The following AXIN1 variants were observed in gnomAD, a reference collection of about 807,000 sequenced individuals.
AXIN1 encodes axin 1.
AXIN1 carries 30 observed loss-of-function variants against 76.4 expected under a neutral mutation model. The observed-to-expected ratio is 0.39, with a 90% confidence interval of 0.29 to 0.53. The LOEUF (loss-of-function observed/expected upper bound fraction) is 0.53. Among genes scored for constraint, AXIN1 ranks in the 20% least tolerant of loss-of-function variants. The probability of loss-of-function intolerance (pLI) is 0.66; values close to 1 mark genes in which losing one functional copy is unlikely to be tolerated. For synonymous variants in AXIN1, 545 were observed against 501.4 expected, an observed-to-expected ratio of 1.09 and a Z score of -1.16; for missense variants, 1,140 against 1,198.8, an observed-to-expected ratio of 0.95 and a Z score of 0.72.
chr16:309,848 G>C (rs568790443), intron 4 of AXIN1, 125 bp downstream of exon 4: 3 of 897,366 alleles, frequency 3.3e-6, no homozygotes, highest in Non-Finnish European at 5.4e-6. Flanking sequence ...GGGATCACAC[G>C]CTTACGCCTA....
Position 314,644 on chromosome 16 carries a change from G to A in AXIN1, c.918C>T (p.Val306=), listed in dbSNP as rs201360264. 31 of 1,613,864 alleles carry A rather than the reference G, an allele frequency of 1.9e-5. No individual in the cohort carries two copies. Among genetic ancestry groups the A allele is most frequent in the Non-Finnish European group, 2.6e-5 (31 of 1,180,042 alleles). Residue 306 remains valine, a synonymous_variant, in exon 3 of 11, where the codon GTC becomes GTT. Transcript: ENST00000262320. ...CTGGGGCCAGGGCATAGCCGGCATT[G>A]ACATAATAGGGGTTGACTGGCTCCC... ...SWREPVNPYY[V]NAGYALAPAT... is the part of the protein sequence containing the mutation.
At position 297,082 on chromosome 16, in the gene AXIN1, G is replaced by T. The variant is rs748220884; in HGVS notation, c.1929C>A (p.Ile643=). The T allele has an allele frequency of 8.1e-6, 13 of 1,612,200 alleles. No homozygotes were observed. In the South Asian group the frequency reaches 9.9e-5, roughly 12 times the overall value. Residue 643 remains isoleucine, a synonymous_variant, in exon 7 of 11, where the codon ATC becomes ATA. Transcript: ENST00000262320. ...MQWIIEGEKE[I]SRHRRTGHGS... is the part of the protein sequence containing the mutation. Reference sequence around the variant, plus strand: ...CGTGGCCGGTCCTGCGGTGCCTGCTGATCTCCTTTTCCCCCTCAATGATCC... The same window carrying T: ...CGTGGCCGGTCCTGCGGTGCCTGCTTATCTCCTTTTCCCCCTCAATGATCC...
At chr16:313,647 C>T (rs185784530) in intron 3 of AXIN1, among the ~76,000 whole-genome samples, 28 of 152,356 alleles carry the variant, frequency 1.8e-4, no homozygotes, top group African/African-American at 6.7e-4. Context: ...GCGTGTGGCG[C>T]ACAGACCAGA....
At chr16:314,940 A>G (rs555127110) in intron 2 of AXIN1, among the ~76,000 whole-genome samples, 1 of 152,336 alleles carries the variant, frequency 6.6e-6, no homozygotes, top group East Asian at 1.9e-4. Context: ...TTTGGTGCAC[A>G]CACAGAGCAT....
intron 2 of AXIN1, among the ~76,000 whole-genome samples, chr16:327,445 C>A (rs562589935): frequency 6.6e-6 from 1 of 152,218 alleles, no homozygotes; most frequent in Non-Finnish European, 1.5e-5. Flanking sequence ...TAGGAGGCCT[C>A]GCTGTGGTTC....
chr16:351,132 C>CAAA (rs71391129), intron 1 of AXIN1, among the ~76,000 whole-genome samples: 3 of 111,584 alleles, frequency 2.7e-5, no homozygotes, highest in Non-Finnish European at 3.7e-5. Flanking sequence ...AACTCTGTCT[C>CAAA]AAAAAAAAAA....
intron 4 of AXIN1, among the ~76,000 whole-genome samples, chr16:306,171 A>G (rs1045115841): frequency 5.3e-5 from 8 of 151,956 alleles, no homozygotes; most frequent in Non-Finnish European, 1.2e-4. Flanking sequence ...ACACACGTAC[A>G]CACACACGCA....
chr16:309,246 C>G (rs961038698), intron 4 of AXIN1, among the ~76,000 whole-genome samples: 3 of 151,466 alleles, frequency 2.0e-5, no homozygotes, highest in Admixed American at 2.0e-4. Context: ...AGGAGAATGA[C>G]GTGAACCCGG....
chr16:298,993 T>C (rs1361502094), intron 5 of AXIN1: 2 of 806,504 alleles, frequency 2.5e-6, no homozygotes, highest in African/African-American at 3.8e-5. Context: ...GGTCTCGAAC[T>C]CCTGACCTCA....
intron 2 of AXIN1, among the ~76,000 whole-genome samples, chr16:344,901 T>A (rs2054003528): frequency 6.6e-6 from 1 of 152,206 alleles, no homozygotes; most frequent in South Asian, 2.1e-4. Flanking sequence ...CTTGAAGAAC[T>A]AATGCGAGTT....
At chr16:310,181 C>T (rs546820473) in intron 3 of AXIN1, 112 bp from the exon 4 acceptor site, 1 of 901,228 alleles carries the variant, frequency 1.1e-6, no homozygotes, top group East Asian at 2.7e-5. Context: ...ATGAGGACAC[C>T]TGTGAGCCAC....
rs2052486916 is a variant in AXIN1, at chr16:289,384, C to T, written c.2462+56G>A. ...CCGGCTGGAAACCCTCTTTTTCATACCGTTGGGCACCCACATACTCGTGCG... is the reference window on the plus strand; with the variant it reads ...CCGGCTGGAAACCCTCTTTTTCATATCGTTGGGCACCCACATACTCGTGCG... On this transcript the variant is annotated intron_variant, in intron 10 of 10. Transcript: ENST00000262320. 4 of 1,603,944 alleles carry T rather than the reference C, an allele frequency of 2.5e-6. No individual in the cohort carries two copies. In the South Asian group the frequency reaches 4.4e-5, roughly 18 times the overall value.
At chr16:311,799 G>C (rs2053187668) in intron 3 of AXIN1, among the ~76,000 whole-genome samples, 1 of 152,108 alleles carries the variant, frequency 6.6e-6, no homozygotes. Context: ...AGAAAGAAAA[G>C]CTGCCTTCGG....
chr16:321,869 G>C (rs766812673), intron 2 of AXIN1, among the ~76,000 whole-genome samples: 5 of 152,210 alleles, frequency 3.3e-5, no homozygotes, highest in African/African-American at 1.2e-4. Flanking sequence ...CTTCGTTGAC[G>C]GGCACCCTGA....
chr16:320,745 T>TA (rs1567287154), intron 2 of AXIN1, among the ~76,000 whole-genome samples: 149 of 100,206 alleles, frequency 1.5e-3, no homozygotes, highest in Admixed American at 2.5e-3. Flanking sequence ...ATATATATAT[T>TA]TTTTTTTTTT....
chr16:319,143 GT>G (rs992686150), intron 2 of AXIN1, among the ~76,000 whole-genome samples: 4 of 152,194 alleles, frequency 2.6e-5, no homozygotes, highest in African/African-American at 9.6e-5. Flanking sequence ...GAGCCAGGTA[GT>G]GACAGACTCC....
At chr16:338,583 A>G (rs2053852958) in intron 2 of AXIN1, among the ~76,000 whole-genome samples, 1 of 152,250 alleles carries the variant, frequency 6.6e-6, no homozygotes, top group African/African-American at 2.4e-5. Flanking sequence ...TGGCTAAGGA[A>G]GAGAAAAAAT....
At position 297,752 on chromosome 16, in the gene AXIN1, G is replaced by A. The variant is rs865982958; in HGVS notation, c.1754C>T (p.Ala585Val). Residue 585 changes from alanine to valine, a missense_variant, in exon 6 of 11, where the codon GCC becomes GTC. Coordinates refer to ENST00000262320, the MANE Select transcript of AXIN1 (RefSeq NM_003502.4). ...GGCGAGGCCATCACTGGCGTTGGGG[G>A]CAGCGCCAACACTCTCTGAGTAGCC... is the stretch of plus-strand genomic sequence containing the variant. The part of the protein sequence containing the change: ...SRGYSESVGA[A>V]PNASDGLAHS... 6.3e-7 allele frequency: 1 copy of A among 1,596,962 alleles called. No individual in the cohort carries two copies. The highest frequency in any genetic ancestry group is 8.5e-7 in the Non-Finnish European group (1 of 1,173,134).
At position 288,017 on chromosome 16, in the gene AXIN1, A is replaced by G; in HGVS notation, c.*105T>C. On this transcript the variant is annotated 3_prime_UTR_variant, in exon 11 of 11. Transcript: ENST00000262320. ...GACCACAGGGATGGGTGGTACACCC[A>G]ACACTGTTCCCCATCGGGCTCCTGA... is the stretch of plus-strand genomic sequence containing the variant. 9 of 1,580,792 alleles carry G rather than the reference A, an allele frequency of 5.7e-6. No individual in the cohort carries two copies. In the South Asian group the frequency reaches 1.0e-4, roughly 18 times the overall value.
Sources: allele counts gnomAD v4.1 joint callset (sites outside exome capture counted in the v4.1 genomes callset), GRCh38; gene constraint gnomAD v4.1.1; transcripts MANE v1.5; gene names NCBI Gene and HGNC (gene_info 2026-07-23, HGNC 2026-07-21).